EHBP1: variants seen among roughly 807,000 people sequenced by gnomAD.
EHBP1 encodes the protein EH domain binding protein 1.
EHBP1 carries 55 observed loss-of-function variants against 144.0 expected under a neutral mutation model. The observed-to-expected ratio is 0.38, with a 90% CI of 0.31 to 0.48. EHBP1 has a LOEUF of 0.48. EHBP1 is among the 20% of genes least tolerant of loss of function. The pLI is 0.98. For missense variants in EHBP1, 1,200 were observed against 1,364.2 expected (o/e 0.88, Z 1.90); for synonymous variants, 469 against 472.7 (o/e 0.99, Z 0.10).
intron 7 of EHBP1, among the ~76,000 whole-genome samples, chr2:62,837,733 G>C (rs1573622369): frequency 6.6e-6 from 1 of 151,494 alleles, no homozygotes; most frequent in East Asian, 1.9e-4. Flanking sequence ...AAGATCAAAA[G>C]AGACAAAGAA....
chr2:62,761,780 C>G (rs756195780), intron 3 of EHBP1, among the ~76,000 whole-genome samples: 4 of 152,176 alleles, frequency 2.6e-5, no homozygotes, highest in Non-Finnish European at 4.4e-5. Context: ...TCCCTCTCAA[C>G]TGAATATTTC....
intron 7 of EHBP1, among the ~76,000 whole-genome samples, chr2:62,848,646 A>G (rs1482200490): frequency 6.6e-6 from 1 of 152,228 alleles, no homozygotes; most frequent in African/African-American, 2.4e-5. Context: ...CCTCAAAACC[A>G]TTATGCTTAG....
At chr2:62,740,936 T>A (rs190054122) in intron 2 of EHBP1, among the ~76,000 whole-genome samples, 13 of 152,320 alleles carry the variant, frequency 8.5e-5, no homozygotes, top group Admixed American at 3.3e-4. Flanking sequence ...GTGTTTTTTT[T>A]AATTTACTGA....
intron 10 of EHBP1, among the ~76,000 whole-genome samples, chr2:62,894,477 A>G (rs1184340713): frequency 1.3e-5 from 2 of 152,034 alleles, no homozygotes; most frequent in Non-Finnish European, 2.9e-5. Flanking sequence ...TCAAAGGATA[A>G]TTGGAGTTCA....
chr2:62,709,903 G>T (rs1288824393), intron 2 of EHBP1, among the ~76,000 whole-genome samples: 3 of 151,974 alleles, frequency 2.0e-5, no homozygotes, highest in Non-Finnish European at 2.9e-5. Context: ...TTTGAGAGAG[G>T]GACAGTATAC....
chr2:62,766,379 T>A (rs1232158615), intron 4 of EHBP1, among the ~76,000 whole-genome samples: 2 of 152,122 alleles, frequency 1.3e-5, no homozygotes, highest in African/African-American at 4.8e-5. Flanking sequence ...AGATCATTAG[T>A]AGACCAAAGT....
At chr2:62,721,321 A>G (rs894803228) in intron 2 of EHBP1, among the ~76,000 whole-genome samples, 1 of 152,216 alleles carries the variant, frequency 6.6e-6, no homozygotes, top group African/African-American at 2.4e-5. Flanking sequence ...CCTGTCACAT[A>G]ATATGATATA....
At chr2:62,878,200 A>G (rs769033342) in intron 10 of EHBP1, among the ~76,000 whole-genome samples, 16 of 152,122 alleles carry the variant, frequency 1.1e-4, no homozygotes, top group Non-Finnish European at 2.2e-4. Flanking sequence ...AAATCCCTCT[A>G]TGCACAGAAA....
intron 10 of EHBP1, among the ~76,000 whole-genome samples, chr2:62,884,913 C>T (rs1038884508): frequency 5.3e-5 from 8 of 152,156 alleles, no homozygotes; most frequent in African/African-American, 1.7e-4. Flanking sequence ...CAAAACATTT[C>T]TGTTAAAATT....
chr2:62,718,640 G>A (rs867949167), intron 2 of EHBP1, among the ~76,000 whole-genome samples: 1 of 152,184 alleles, frequency 6.6e-6, no homozygotes, highest in African/African-American at 2.4e-5. Context: ...TTGCTGAAGA[G>A]TATCAAATTA....
intron 5 of EHBP1, among the ~76,000 whole-genome samples, chr2:62,803,324 G>C (rs73934293): frequency 1.3e-5 from 2 of 152,086 alleles, no homozygotes; most frequent in African/African-American, 4.8e-5. Context: ...AGTCAAAAGG[G>C]ACAGTTATTT....
At chr2:62,937,470 G>A (rs527739509) in intron 10 of EHBP1, among the ~76,000 whole-genome samples, 1 of 152,264 alleles carries the variant, frequency 6.6e-6, no homozygotes, top group African/African-American at 2.4e-5. Context: ...AAATTAATAA[G>A]CCTTTTTGTA....
chr2:62,884,026 G>A (rs2051704994), intron 10 of EHBP1, among the ~76,000 whole-genome samples: 3 of 152,102 alleles, frequency 2.0e-5, no homozygotes, highest in Admixed American at 6.5e-5. Flanking sequence ...TAAAAAAAGT[G>A]CATAACAGAA....
At chr2:62,878,493 C>T (rs1048810073) in intron 10 of EHBP1, among the ~76,000 whole-genome samples, 1 of 152,158 alleles carries the variant, frequency 6.6e-6, no homozygotes, top group Non-Finnish European at 1.5e-5. Context: ...GATACCAAAA[C>T]TTGGCAAAGA....
chr2:62,731,494 G>A (rs998838720), intron 2 of EHBP1, among the ~76,000 whole-genome samples: 1 of 152,160 alleles, frequency 6.6e-6, no homozygotes, highest in Admixed American at 6.5e-5. Context: ...TTGGCAGGAA[G>A]GCATCTAGTT....
Position 62,815,615 on chromosome 2 carries a change from CTG to C in EHBP1, c.313-10469_313-10468del, listed in dbSNP as rs551086828. Among the ~76,000 whole-genome samples, 15 of 152,286 alleles carry C rather than the reference CTG, an allele frequency of 9.8e-5. No individual in the cohort carries two copies. The East Asian group carries it at 2.7e-3, about 27-fold the overall frequency. Reference sequence around the variant, plus strand: ...ACCACTTTTTACTTGAAAAAACTAACTGTGGTTATTCACCCTTGGGTATTTGG... The same window carrying C: ...ACCACTTTTTACTTGAAAAAACTAACTGGTTATTCACCCTTGGGTATTTGG... On this transcript the variant is annotated intron_variant, in intron 5 of 22. Coordinates refer to ENST00000431489, the MANE Select transcript of EHBP1 (RefSeq NM_001142616.3).
intron 2 of EHBP1, among the ~76,000 whole-genome samples, chr2:62,718,819 T>A (rs1027420072): frequency 3.9e-5 from 6 of 152,184 alleles, no homozygotes; most frequent in South Asian, 2.1e-4. Flanking sequence ...TTCTTTCTGA[T>A]TAAAAGTGAG....
At chr2:62,930,708 A>G (rs1283871964) in intron 10 of EHBP1, among the ~76,000 whole-genome samples, 1 of 152,194 alleles carries the variant, frequency 6.6e-6, no homozygotes, top group Non-Finnish European at 1.5e-5. Flanking sequence ...GAGTCCAGAA[A>G]CAAACCTCTG....
intron 10 of EHBP1, among the ~76,000 whole-genome samples, chr2:62,895,593 T>G (rs2052848855): frequency 6.6e-6 from 1 of 152,126 alleles, no homozygotes; most frequent in African/African-American, 2.4e-5. Context: ...GGATACTATT[T>G]GATAAAGGAA....
Sources: gnomAD v4.1 joint callset for allele counts (sites outside exome capture counted in the v4.1 genomes callset) on GRCh38, gnomAD v4.1.1 for gene constraint, MANE v1.5 for transcripts, NCBI Gene and HGNC (gene_info 2026-07-23, HGNC 2026-07-21) for gene names.